NAV3: variants seen among roughly 807,000 people sequenced by gnomAD.
NAV3 encodes neuron navigator 3.
A neutral mutation model predicts 244.7 loss-of-function variants in NAV3; 87 were observed. The observed-to-expected ratio is 0.36, with a 90% CI of 0.30 to 0.42. NAV3 has a LOEUF of 0.42. Ranked by LOEUF, NAV3 falls within the 20% of genes least tolerant of loss-of-function variation. The probability of loss-of-function intolerance (pLI) is 1.00; values close to 1 mark genes in which losing one functional copy is unlikely to be tolerated. For missense variants in NAV3, 2,663 were observed against 2,893.3 expected (o/e 0.92, Z 1.83); for synonymous variants, 1,126 against 1,042.2 (o/e 1.08, Z -1.55).
chr12:78,151,445 C>G (rs1957077847), intron 22 of NAV3, among the ~76,000 whole-genome samples: 2 of 151,976 alleles, frequency 1.3e-5, no homozygotes, highest in African/African-American at 4.8e-5. Context: ...GACTACTACT[C>G]AGCAATATAA....
intron 12 of NAV3, among the ~76,000 whole-genome samples, chr12:78,075,660 A>G (rs1317424473): frequency 6.6e-6 from 1 of 152,218 alleles, no homozygotes; most frequent in East Asian, 1.9e-4. Flanking sequence ...TTTTAGATAT[A>G]AAGACTTAGA....
chr12:77,842,040 T>C (rs1190996096), intron 1 of NAV3, among the ~76,000 whole-genome samples: 1 of 152,168 alleles, frequency 6.6e-6, no homozygotes, highest in East Asian at 1.9e-4. Flanking sequence ...AAACTGGCTA[T>C]TTAGTCAGAT....
At chr12:78,057,284 C>A (rs1883652735) in intron 11 of NAV3, among the ~76,000 whole-genome samples, 2 of 152,128 alleles carry the variant, frequency 1.3e-5, no homozygotes, top group East Asian at 1.9e-4. Flanking sequence ...GTCACGTGAC[C>A]AAACACAAAC....
At chr12:78,080,233 T>A (rs1187849343) in intron 12 of NAV3, among the ~76,000 whole-genome samples, 2 of 152,126 alleles carry the variant, frequency 1.3e-5, no homozygotes, top group Non-Finnish European at 2.9e-5. Context: ...AGTATAAAAG[T>A]ACCAAGGGCC....
At chr12:78,054,554 G>T (rs1194782566) in intron 11 of NAV3, among the ~76,000 whole-genome samples, 2 of 152,136 alleles carry the variant, frequency 1.3e-5, no homozygotes, top group African/African-American at 2.4e-5. Context: ...GGAGAAACTC[G>T]GGGGTTCAAT....
Position 78,205,034 on chromosome 12 carries a change from C to T in NAV3, c.6934C>T (p.Leu2312Phe). ...ATLPQESPAL[L>F]QLRPEDVGYE... is the part of the protein sequence containing the mutation. ...TCTGCCTCAGGAGAGCCCAGCCTTA[C>T]TTCAGCTGCGACCAGAAGATGTTGG... The change falls in exon 39 of 40, where the codon CTT becomes TTT. Residue 2312 changes from leucine to phenylalanine, a missense_variant. Physicochemically the swap from Leu to Phe is conservative, Grantham distance 22. Coordinates refer to ENST00000397909, the MANE Select transcript of NAV3 (RefSeq NM_001024383.2). 1 of 1,613,630 alleles carries T rather than the reference C, an allele frequency of 6.2e-7. No individual in the cohort carries two copies. The highest frequency in any genetic ancestry group is 8.5e-7 in the Non-Finnish European group (1 of 1,179,774).
In NAV3 at chr12:78,119,874, C is replaced by A. The variant is rs142161365; in HGVS notation, c.3678C>A (p.Ser1226Arg). 1.2e-6 allele frequency: 2 copies of A among 1,614,158 alleles called. No homozygotes were observed. The highest frequency in any genetic ancestry group is 3.3e-5 in the Admixed American group (2 of 60,018). Residue 1226 changes from serine to arginine, a missense_variant, in exon 15 of 40, where the codon AGC becomes AGA. Ser to Arg is a moderately radical substitution (Grantham distance 110, BLOSUM62 -1). Transcript: ENST00000397909. ...GSPKSSPTSASACGAQGLRQP... is the reference protein window; with the variant it reads ...GSPKSSPTSARACGAQGLRQP... ...CCAAATCCAGCCCCACCTCTGCCAG[C>A]GCCTGTGGTGCACAAGGTCTCAGGC...
intron 2 of NAV3, among the ~76,000 whole-genome samples, chr12:77,676,085 A>T (rs542070677): frequency 4.6e-4 from 69 of 151,334 alleles, no homozygotes; most frequent in South Asian, 6.3e-4. Flanking sequence ...TTTTTTTTTT[A>T]AATTTTTTTT....
intron 1 of NAV3, among the ~76,000 whole-genome samples, chr12:77,887,355 A>C (rs1016541932): frequency 1.3e-5 from 2 of 152,144 alleles, no homozygotes; most frequent in African/African-American, 4.8e-5. Flanking sequence ...TTCAGTGGGA[A>C]CTTAGAATTT....
intron 1 of NAV3, among the ~76,000 whole-genome samples, chr12:77,910,761 T>C (rs1296494504): frequency 6.6e-6 from 1 of 152,096 alleles, no homozygotes; most frequent in Non-Finnish European, 1.5e-5. Context: ...GGCTGCACCT[T>C]ATATTCTGTG....
chr12:77,728,377 T>G (rs1379566724), intron 2 of NAV3, among the ~76,000 whole-genome samples: 5 of 151,790 alleles, frequency 3.3e-5, no homozygotes, highest in Admixed American at 2.0e-4. Flanking sequence ...TGCAAGAGTG[T>G]GAAAAGTGCA....
At chr12:77,772,590 T>A (rs1359955705) in intron 2 of NAV3, among the ~76,000 whole-genome samples, 1 of 152,198 alleles carries the variant, frequency 6.6e-6, no homozygotes. Context: ...TATATTTTTA[T>A]ATTATTTTGA....
At chr12:77,695,262 G>A (rs1235578758) in intron 2 of NAV3, among the ~76,000 whole-genome samples, 1 of 152,054 alleles carries the variant, frequency 6.6e-6, no homozygotes. Context: ...AATGTTTTCT[G>A]TAGTAGTTTC....
At chr12:78,074,565 G>A (rs139666585) in intron 12 of NAV3, among the ~76,000 whole-genome samples, 103 of 152,212 alleles carry the variant, frequency 6.8e-4, no homozygotes, top group Middle Eastern at 3.4e-3. Context: ...TTAGCCAGGC[G>A]TGGTGGCTCG....
At chr12:77,759,390 C>G (rs1318375583) in intron 2 of NAV3, among the ~76,000 whole-genome samples, 1 of 152,170 alleles carries the variant, frequency 6.6e-6, no homozygotes, top group Non-Finnish European at 1.5e-5. Context: ...AAAGGTGGAG[C>G]TGGTATTCAA....
intron 6 of NAV3, among the ~76,000 whole-genome samples, chr12:77,995,171 C>T (rs1171036801): frequency 6.6e-6 from 1 of 152,080 alleles, no homozygotes; most frequent in African/African-American, 2.4e-5. Context: ...CCAATTCCTT[C>T]CAAGTCACAT....
At position 78,137,194 on chromosome 12, in the gene NAV3, T is replaced by C; in HGVS notation, c.4459T>C (p.Ser1487Pro). The C allele has an allele frequency of 6.2e-7, 1 of 1,610,580 alleles. No homozygotes were observed. The change falls in exon 19 of 40, where the codon TCT becomes CCT. Residue 1487 changes from serine (S) to proline (P), a missense_variant. Physicochemically the swap from Ser to Pro is moderately conservative, Grantham distance 74. Transcript: ENST00000397909. ...FSNLVSPTNL[S>P]QFNLPGPSMM... The stretch of plus-strand genomic sequence containing the variant: ...TTTTTCAGTGAGCCCAACAAATTTG[T>C]CTCAGTTTAACCTTCCCGGGCCCAG...
intron 2 of NAV3, among the ~76,000 whole-genome samples, chr12:77,785,725 A>C (rs1870874816): frequency 6.6e-6 from 1 of 152,118 alleles, no homozygotes. Context: ...ATATTCTCGG[A>C]GTGGTGGTAG....
upstream of NAV3, among the ~76,000 whole-genome samples, chr12:77,830,307 A>T (rs541247230): frequency 7.9e-5 from 12 of 152,202 alleles, no homozygotes; most frequent in Non-Finnish European, 1.6e-4. Flanking sequence ...TACAAACTAA[A>T]ATCATACATT....
Sources: allele counts gnomAD v4.1 joint callset (sites outside exome capture counted in the v4.1 genomes callset), GRCh38; gene constraint gnomAD v4.1.1; transcripts MANE v1.5; gene names NCBI Gene and HGNC (gene_info 2026-07-23, HGNC 2026-07-21).